OR4K14: variants seen among roughly 807,000 people sequenced by gnomAD.
OR4K14 encodes the protein olfactory receptor 4K14.
For missense variants in OR4K14, 406 were observed against 373.6 expected, an observed-to-expected ratio of 1.09 and a Z score of -0.72; for synonymous variants, 153 against 141.5, an observed-to-expected ratio of 1.08 and a Z score of -0.58.
At position 20,014,816 on chromosome 14, in the gene OR4K14, G is replaced by A. The variant is rs768042797; in HGVS notation, c.378C>T (p.Ala126=). 8 of 1,614,008 alleles carry A rather than the reference G, an allele frequency of 5.0e-6. No homozygotes were observed. The East Asian group carries it at 1.8e-4, about 36-fold the overall frequency. The change falls in exon 2 of 2, where the codon GCC becomes GCT. Residue 126 remains alanine (A), a synonymous_variant. Transcript: ENST00000641793. The part of the protein sequence containing the change: ...LVSMAYDRYV[A]ICKPLHYMTL... The stretch of plus-strand genomic sequence containing the variant: ...TCATGTAATGCAAGGGTTTGCATAT[G>A]GCCACATATCTGTCATAGGCCATGG...
intron 1 of OR4K14, among the ~76,000 whole-genome samples, 154 bp from the exon 2 acceptor site, chr14:20,015,376 G>A (rs1566525937): frequency 6.6e-6 from 1 of 152,110 alleles, no homozygotes; most frequent in Non-Finnish European, 1.5e-5. Flanking sequence ...AAAGTAAAAT[G>A]GTGGTTACCA....
intron 1 of OR4K14, among the ~76,000 whole-genome samples, chr14:20,016,261 A>G (rs1041055546): frequency 6.7e-6 from 1 of 149,854 alleles, no homozygotes; most frequent in African/African-American, 2.4e-5. Context: ...AATATGATTA[A>G]CGTGTCTTTC....
At chr14:20,018,008 T>C (rs938669306) in intron 1 of OR4K14, among the ~76,000 whole-genome samples, 27 of 151,996 alleles carry the variant, frequency 1.8e-4, no homozygotes, top group African/African-American at 5.6e-4. Context: ...GGGTATCACA[T>C]AGAATCCTTC....
At chr14:20,018,137 C>T (rs1162222500) in intron 1 of OR4K14, among the ~76,000 whole-genome samples, 1 of 151,860 alleles carries the variant, frequency 6.6e-6, no homozygotes, top group Non-Finnish European at 1.5e-5. Context: ...AATAAAGTAA[C>T]TTATTCTAGT....
Position 20,014,666 on chromosome 14 carries a change from G to C in OR4K14, c.528C>G (p.Asp176Glu). The C allele has an allele frequency of 6.2e-7, 1 of 1,614,078 alleles. No individual in the cohort carries two copies. Among genetic ancestry groups the C allele is most frequent in the South Asian group, 1.1e-5 (1 of 91,076 alleles). Residue 176 changes from aspartate to glutamate, a missense_variant, in exon 2 of 2, where the codon GAC becomes GAG. Physicochemically the swap from Asp to Glu is conservative, Grantham distance 45. Coordinates refer to ENST00000641793, the MANE Select transcript of OR4K14 (RefSeq NM_001004712.2). The stretch of plus-strand genomic sequence containing the variant: ...CCAGAGGGAGGTCACAGAAGAAGCT[G>C]TCTACCTCATTGGGGCCACAGTAAG... ...NLPYCGPNEV[D>E]SFFCDLPLVI... is the part of the protein sequence containing the mutation.
In OR4K14 at chr14:20,014,278, G is replaced by A. The variant is rs779865242; in HGVS notation, c.916C>T (p.Arg306Trp). ...GCTGGATTTCATTGAAAAGTCACCC[G>A]TCGGTTTTGCAGTTTCTTCATAGCT... ...KAAMKKLQNRRVTFQ is the reference protein window; with the variant it reads ...KAAMKKLQNRWVTFQ Residue 306 changes from arginine (R) to tryptophan (W), a missense_variant, in exon 2 of 2, where the codon CGG becomes TGG. By Grantham distance (101) the Arg-to-Trp change is moderately radical. Transcript: ENST00000641793. 18 of 1,600,304 alleles carry A rather than the reference G, an allele frequency of 1.1e-5. No individual in the cohort carries two copies. Among genetic ancestry groups the A allele is most frequent in the African/African-American group, 2.7e-5 (2 of 74,260 alleles).
chr14:20,016,455 C>A (rs923293909), intron 1 of OR4K14, among the ~76,000 whole-genome samples: 1 of 151,932 alleles, frequency 6.6e-6, no homozygotes, highest in African/African-American at 2.4e-5. Context: ...TTATAAAAGT[C>A]TCATTTATTG....
chr14:20,014,904 C>T lies in OR4K14; in HGVS notation c.290G>A (p.Gly97Glu). 1 of 1,614,130 alleles carries T rather than the reference C, an allele frequency of 6.2e-7. No individual in the cohort carries two copies. The highest frequency in any genetic ancestry group is 8.5e-7 in the Non-Finnish European group (1 of 1,180,018). ...CAAGAAGAAGATTTGAGCCATACAT[C>T]CTCCAAAGGAGATGAGTTTTTGATC... ...LSDQKLISFGGCMAQIFFLHF... is the reference protein window; with the variant it reads ...LSDQKLISFGECMAQIFFLHF... The change falls in exon 2 of 2, where the codon GGA (glycine) becomes GAA (glutamate). Residue 97 changes from glycine to glutamate, a missense_variant. Coordinates refer to ENST00000641793, the MANE Select transcript of OR4K14 (RefSeq NM_001004712.2).
At chr14:20,015,326 T>A in intron 1 of OR4K14, 104 bp from the exon 2 acceptor site, 1 of 569,096 alleles carries the variant, frequency 1.8e-6, no homozygotes, top group Non-Finnish European at 3.0e-6. Context: ...TGATGTCACT[T>A]AATATGTGGA....
In OR4K14 at chr14:20,014,877, T is replaced by C; in HGVS notation, c.317A>G (p.His106Arg). ...CACCATCTCAGCCCCACCAGTAAAG[T>C]GCAAGAAGAAGATTTGAGCCATACA... ...GGCMAQIFFL[H>R]FTGGAEMVLL... Residue 106 changes from histidine (H) to arginine (R), a missense_variant, in exon 2 of 2, where the codon CAC (histidine) becomes CGC (arginine). His to Arg is a conservative substitution (Grantham distance 29). Transcript: ENST00000641793. 1 of 1,614,056 alleles carries C rather than the reference T, an allele frequency of 6.2e-7. No individual in the cohort carries two copies. Among genetic ancestry groups the C allele is most frequent in the Non-Finnish European group, 8.5e-7 (1 of 1,180,006 alleles).
rs879086197 is a variant in OR4K14 at position 20,014,913 on chromosome 14, G to A, written c.281C>T (p.Ser94Phe). 4 of 1,614,030 alleles carry A rather than the reference G, an allele frequency of 2.5e-6. No individual in the cohort carries two copies. The highest frequency in any genetic ancestry group is 3.4e-6 in the Non-Finnish European group (4 of 1,180,042). Residue 94 changes from serine (S) to phenylalanine (F), a missense_variant, in exon 2 of 2, where the codon TCC (serine) becomes TTC (phenylalanine). Transcript: ENST00000641793. Reference protein sequence around the residue: ...RDFLSDQKLISFGGCMAQIFF... With the variant: ...RDFLSDQKLIFFGGCMAQIFF... ...GATTTGAGCCATACATCCTCCAAAG[G>A]AGATGAGTTTTTGATCACTAAGGAA...
In OR4K14 at chr14:20,014,879, CAAG is replaced by C. The variant is rs773327759; in HGVS notation, c.312_314del (p.Phe104del). 1.4e-5 allele frequency: 22 copies of C among 1,614,104 alleles called. No individual in the cohort carries two copies. The highest frequency in any genetic ancestry group is 2.2e-5 in the East Asian group (1 of 44,874). On this transcript the variant is annotated inframe_deletion, in exon 2 of 2. Transcript: ENST00000641793. ...CCATCTCAGCCCCACCAGTAAAGTG[CAAG>C]AAGAAGATTTGAGCCATACATCCTC...
intron 1 of OR4K14, among the ~76,000 whole-genome samples, chr14:20,016,512 T>C (rs1384694621): frequency 1.3e-5 from 2 of 152,112 alleles, no homozygotes; most frequent in Non-Finnish European, 2.9e-5. Context: ...TCTCAGATAA[T>C]ATCTCTGAGG....
chr14:20,014,878 G>C lies in OR4K14; in HGVS notation c.316C>G (p.His106Asp). The part of the protein sequence containing the change: ...GGCMAQIFFL[H>D]FTGGAEMVLL... ...ACCATCTCAGCCCCACCAGTAAAGT[G>C]CAAGAAGAAGATTTGAGCCATACAT... is the stretch of plus-strand genomic sequence containing the variant. The change falls in exon 2 of 2, where the codon CAC (histidine) becomes GAC (aspartate). Residue 106 changes from histidine (H) to aspartate (D), a missense_variant. By Grantham distance (81) the His-to-Asp change is moderately conservative. Coordinates refer to ENST00000641793, the MANE Select transcript of OR4K14 (RefSeq NM_001004712.2). 6.2e-7 allele frequency: 1 copy of C among 1,614,104 alleles called. No homozygotes were observed. The highest frequency in any genetic ancestry group is 2.2e-5 in the East Asian group (1 of 44,874).
rs567620343 is a variant in OR4K14 at position 20,017,006 on chromosome 14, G to A, written c.-29-1784C>T. ...CAAGGCATTTGCATCTTATTTTCCA[G>A]TTAAATTTCAACTCAAGAAATTGCT... On this transcript the variant is annotated intron_variant, in intron 1 of 1. Transcript: ENST00000641793. Among the ~76,000 whole-genome samples, 6 of 151,916 alleles carry A rather than the reference G, an allele frequency of 3.9e-5. No homozygotes were observed. In the East Asian group the frequency reaches 7.7e-4, roughly 20 times the overall value.
Position 20,014,295 on chromosome 14 carries a change from T to C in OR4K14, c.899A>G (p.Lys300Arg). The C allele has an allele frequency of 6.2e-7, 1 of 1,611,080 alleles. No individual in the cohort carries two copies. Residue 300 changes from lysine (K) to arginine (R), a missense_variant, in exon 2 of 2, where the codon AAG (lysine) becomes AGG (arginine). By Grantham distance (26) the Lys-to-Arg change is conservative. Transcript: ENST00000641793. Reference sequence around the variant, plus strand: ...AGTCACCCGTCGGTTTTGCAGTTTCTTCATAGCTGCTTTCATCTCCTCATT... The same window carrying C: ...AGTCACCCGTCGGTTTTGCAGTTTCCTCATAGCTGCTTTCATCTCCTCATT... ...LRNEEMKAAM[K>R]KLQNRRVTFQ
rs918918394 is a variant in OR4K14 at position 20,014,975 on chromosome 14, C to T, written c.219G>A (p.Trp73Ter). 3 of 1,613,840 alleles carry T rather than the reference C, an allele frequency of 1.9e-6. No individual in the cohort carries two copies. In the African/African-American group the frequency reaches 4.0e-5, roughly 22 times the overall value. ...LLGNLAFLDM[W>*]LASFATPKMI... is the part of the protein sequence containing the mutation. ...TCTTGGGAGTGGCAAATGAGGCCAG[C>T]CACATGTCCAGGAAAGCTAGGTTCC... Residue 73 changes from tryptophan (W) to a stop codon, truncating the protein, a stop_gained, in exon 2 of 2, where the codon TGG becomes TGA. Coordinates refer to ENST00000641793, the MANE Select transcript of OR4K14 (RefSeq NM_001004712.2). LOFTEE classifies it low-confidence loss of function (END_TRUNC).
At position 20,014,573 on chromosome 14, in the gene OR4K14, A is replaced by C. The variant is rs141271240; in HGVS notation, c.621T>G (p.Leu207=). ...GGAGGAGCAGAAAACAGCTCAAGGA[A>C]AGCAACCCACTGTCTGAGATCATAA... ...GIIMISDSGL[L]SLSCFLLLLI... The change falls in exon 2 of 2, where the codon CTT becomes CTG. Residue 207 remains leucine, a synonymous_variant. Transcript: ENST00000641793. The C allele has an allele frequency of 2.2e-4, 350 of 1,614,108 alleles. No homozygotes were observed. In the African/African-American group the frequency reaches 3.9e-3, roughly 18 times the overall value.
Position 20,014,559 on chromosome 14 carries a change from A to G in OR4K14, c.635T>C (p.Phe212Ser), listed in dbSNP as rs1877048911. The G allele has an allele frequency of 1.2e-6, 2 of 1,614,016 alleles. No homozygotes were observed. The highest frequency in any genetic ancestry group is 1.7e-6 in the Non-Finnish European group (2 of 1,180,004). ...GGTGTAGGAGATCAGGAGGAGCAGAAAACAGCTCAAGGAAAGCAACCCACT... is the reference window on the plus strand; with the variant it reads ...GGTGTAGGAGATCAGGAGGAGCAGAGAACAGCTCAAGGAAAGCAACCCACT... ...SDSGLLSLSC[F>S]LLLLISYTVI... The change falls in exon 2 of 2, where the codon TTT (phenylalanine) becomes TCT (serine). Residue 212 changes from phenylalanine (F) to serine (S), a missense_variant. By Grantham distance (155) the Phe-to-Ser change is radical. Transcript: ENST00000641793.
Sources: gnomAD v4.1 joint callset for allele counts (sites outside exome capture counted in the v4.1 genomes callset) on GRCh38, gnomAD v4.1.1 for gene constraint, MANE v1.5 for transcripts, NCBI Gene and HGNC (gene_info 2026-07-23, HGNC 2026-07-21) for gene names.